The following MACROD2 variants were observed in gnomAD, a reference collection of about 807,000 sequenced individuals.
MACROD2 encodes the protein mono-ADP ribosylhydrolase 2.
MACROD2 carries 36 observed loss-of-function variants against 70.4 expected under a neutral mutation model. That is an observed-to-expected ratio of 0.51 (90% CI 0.39 to 0.68). The LOEUF (loss-of-function observed/expected upper bound fraction) is 0.68. Among genes scored for constraint, MACROD2 ranks in the 30% least tolerant of loss-of-function variants. The probability of loss-of-function intolerance (pLI) is 0.00; values close to 1 mark genes in which losing one functional copy is unlikely to be tolerated. For synonymous variants in MACROD2, 172 were observed against 178.8 expected (o/e 0.96, Z 0.30); for missense variants, 496 against 538.4 (o/e 0.92, Z 0.78).
intron 3 of MACROD2, among the ~76,000 whole-genome samples, chr20:14,092,166 T>A (rs916701512): frequency 1.5e-4 from 23 of 152,168 alleles, no homozygotes. Flanking sequence ...GCTAATCATG[T>A]TTTTTGATAT....
intron 4 of MACROD2, among the ~76,000 whole-genome samples, chr20:14,563,306 A>G (rs1168097881): frequency 6.6e-6 from 1 of 151,954 alleles, no homozygotes; most frequent in Non-Finnish European, 1.5e-5. Flanking sequence ...GTATGGTAAT[A>G]TGCAGGGGAG....
At chr20:15,011,001 A>C (rs1384035405) in intron 5 of MACROD2, among the ~76,000 whole-genome samples, 1 of 152,152 alleles carries the variant, frequency 6.6e-6, no homozygotes, top group Non-Finnish European at 1.5e-5. Flanking sequence ...GCAACTACCA[A>C]ATATAAAGCT....
chr20:14,860,868 A>G (rs76162183), intron 5 of MACROD2, among the ~76,000 whole-genome samples: 20,922 of 152,022 alleles, frequency 0.14, 1,543 homozygotes, highest in Middle Eastern at 0.26. Flanking sequence ...GCTATTTTAG[A>G]AAACATACTT....
intron 3 of MACROD2, chr20:14,128,307 C>G (rs2054676770): frequency 1.0e-5 from 2 of 190,982 alleles, no homozygotes. Context: ...GTGTAGGGTT[C>G]AAACTATGAA....
At chr20:15,445,610 GA>G (rs1384913031) in intron 7 of MACROD2, among the ~76,000 whole-genome samples, 3 of 152,106 alleles carry the variant, frequency 2.0e-5, no homozygotes, top group African/African-American at 7.2e-5. Context: ...CAGGGGAGTA[GA>G]TAACAGTTGC....
At chr20:14,948,007 G>A (rs148367580) in intron 5 of MACROD2, among the ~76,000 whole-genome samples, 7 of 152,130 alleles carry the variant, frequency 4.6e-5, no homozygotes, top group African/African-American at 1.7e-4. Flanking sequence ...CTTTCAAGGA[G>A]CAGCTCCCTC....
At chr20:15,176,163 A>G (rs1247490248) in intron 5 of MACROD2, among the ~76,000 whole-genome samples, 1 of 152,192 alleles carries the variant, frequency 6.6e-6, no homozygotes. Flanking sequence ...ACCCAGGAGC[A>G]TGGGAGGGAA....
chr20:15,272,715 A>G (rs1448514312), intron 6 of MACROD2, among the ~76,000 whole-genome samples: 3 of 152,228 alleles, frequency 2.0e-5, no homozygotes, highest in African/African-American at 7.2e-5. Context: ...TGAATACAGT[A>G]TGCAAGCTGA....
At position 15,163,691 on chromosome 20, in the gene MACROD2, C is replaced by CT. The variant is rs199879619; in HGVS notation, c.419-66238dup. 7.0e-3 allele frequency among the ~76,000 whole-genome samples: 1,018 copies of CT among 145,800 alleles called. 12 individuals are homozygous for CT. Among genetic ancestry groups the CT allele is most frequent in the South Asian group, 0.022 (101 of 4,582 alleles). On this transcript the variant is annotated intron_variant, in intron 5 of 17. Coordinates refer to ENST00000684519, the MANE Select transcript of MACROD2 (RefSeq NM_001351661.2). ...TTGAGTATGACCCTCAAATTAAAAC[C>CT]TTTTTTTTTTTAACATTTTTAATGG...
At chr20:14,838,880 A>C (rs935817066) in intron 5 of MACROD2, among the ~76,000 whole-genome samples, 4 of 152,060 alleles carry the variant, frequency 2.6e-5, no homozygotes, top group African/African-American at 9.7e-5. Context: ...CAGAACTTCA[A>C]CTGTCCTTTA....
At chr20:15,294,027 A>C (rs144662330) in intron 6 of MACROD2, among the ~76,000 whole-genome samples, 91 of 151,598 alleles carry the variant, frequency 6.0e-4, no homozygotes, top group African/African-American at 2.1e-3. Flanking sequence ...AGGCTGAGGC[A>C]GGAGAATTGC....
chr20:14,146,003 T>G (rs1171418230), intron 3 of MACROD2, among the ~76,000 whole-genome samples: 1 of 152,228 alleles, frequency 6.6e-6, no homozygotes, highest in Non-Finnish European at 1.5e-5. Flanking sequence ...TTTGTAAGAC[T>G]GGTTACAGTT....
chr20:15,808,231 T>C (rs1484694406), intron 8 of MACROD2, among the ~76,000 whole-genome samples: 1 of 152,154 alleles, frequency 6.6e-6, no homozygotes, highest in African/African-American at 2.4e-5. Flanking sequence ...TCTGAGGGGT[T>C]TTGGCTGTGG....
chr20:15,329,708 G>T (rs985437002), intron 6 of MACROD2, among the ~76,000 whole-genome samples: 1 of 152,088 alleles, frequency 6.6e-6, no homozygotes, highest in African/African-American at 2.4e-5. Flanking sequence ...CTCCTTGAGA[G>T]TCTAGCTTCT....
intron 2 of MACROD2, among the ~76,000 whole-genome samples, chr20:14,069,772 T>A (rs1018509279): frequency 6.6e-6 from 1 of 150,898 alleles, no homozygotes; most frequent in Non-Finnish European, 1.5e-5. Context: ...TCTATGCTCC[T>A]ATTTACTGCT....
At chr20:14,908,987 A>G (rs952044574) in intron 5 of MACROD2, among the ~76,000 whole-genome samples, 10 of 152,208 alleles carry the variant, frequency 6.6e-5, no homozygotes, top group Non-Finnish European at 1.2e-4. Context: ...TGAAGTGTCT[A>G]TGGGTTAGAC....
rs370905831 is a variant in MACROD2, at chr20:14,199,105, A to G, written c.271+113377A>G. ...TGACCTTTGGTTGGTACTAAAGCTTATCTTCAGGGAGAATGTGACTTTGAA... is the reference window on the plus strand; with the variant it reads ...TGACCTTTGGTTGGTACTAAAGCTTGTCTTCAGGGAGAATGTGACTTTGAA... On this transcript the variant is annotated intron_variant, in intron 3 of 17. Coordinates refer to ENST00000684519, the MANE Select transcript of MACROD2 (RefSeq NM_001351661.2). Among the ~76,000 whole-genome samples, 7 of 151,978 alleles carry G rather than the reference A, an allele frequency of 4.6e-5. No individual in the cohort carries two copies. The East Asian group carries it at 7.7e-4, about 17-fold the overall frequency.
At chr20:14,115,696 A>C (rs938836938) in intron 3 of MACROD2, among the ~76,000 whole-genome samples, 1 of 152,178 alleles carries the variant, frequency 6.6e-6, no homozygotes, top group Admixed American at 6.5e-5. Flanking sequence ...TGCTTCCAAC[A>C]GTTTTGGGAC....
chr20:15,286,612 G>C (rs987334946), intron 6 of MACROD2, among the ~76,000 whole-genome samples: 2 of 151,846 alleles, frequency 1.3e-5, no homozygotes, highest in Non-Finnish European at 2.9e-5. Context: ...ATAACACAGG[G>C]TGAGCAGGCT....
Sources: allele counts gnomAD v4.1 joint callset (sites outside exome capture counted in the v4.1 genomes callset), GRCh38; gene constraint gnomAD v4.1.1; transcripts MANE v1.5; gene names NCBI Gene and HGNC (gene_info 2026-07-23, HGNC 2026-07-21).